The following SPECC1 variants were observed in gnomAD, a reference collection of about 807,000 sequenced individuals.
The protein encoded by SPECC1 is cytospin-B.
In SPECC1, 62 loss-of-function variants were observed where a neutral mutation model predicts 104.1. That is an observed-to-expected ratio of 0.60 (90% CI 0.49 to 0.74). The LOEUF (loss-of-function observed/expected upper bound fraction) is 0.74, where lower values mean the gene tolerates loss of function less well. Among genes scored for constraint, SPECC1 ranks in the 30% least tolerant of loss-of-function variants. SPECC1 has a pLI of 0.00. For synonymous variants in SPECC1, 513 were observed against 501.6 expected, an observed-to-expected ratio of 1.02 and a Z score of -0.30; for missense variants, 1,306 against 1,310.5, an observed-to-expected ratio of 1.00 and a Z score of 0.05.
At chr17:20,137,953 C>T (rs2030230872) in intron 3 of SPECC1, among the ~76,000 whole-genome samples, 1 of 151,222 alleles carries the variant, frequency 6.6e-6, no homozygotes, top group South Asian at 2.1e-4. Flanking sequence ...GCGTGAGCCA[C>T]CGTACCCAGC....
At chr17:20,095,646 C>A (rs868450314) in intron 1 of SPECC1, 4 of 152,244 alleles carry the variant, frequency 2.6e-5, no homozygotes, top group African/African-American at 9.7e-5. Context: ...GGCCGCCATC[C>A]CCCGGGGGCA....
intron 7 of SPECC1, among the ~76,000 whole-genome samples, chr17:20,244,026 G>T (rs2039315095): frequency 1.3e-5 from 2 of 151,848 alleles, no homozygotes; most frequent in Admixed American, 6.6e-5. Flanking sequence ...AGACCAGCCT[G>T]GGCAACATGG....
intron 9 of SPECC1, among the ~76,000 whole-genome samples, chr17:20,249,682 C>T (rs1287795412): frequency 1.3e-5 from 2 of 152,132 alleles, no homozygotes; most frequent in Non-Finnish European, 1.5e-5. Flanking sequence ...GAATTAAAGA[C>T]TCAATAAAGT....
At chr17:20,192,665 C>CT (rs1463464670) in intron 3 of SPECC1, among the ~76,000 whole-genome samples, 2 of 152,164 alleles carry the variant, frequency 1.3e-5, no homozygotes, top group African/African-American at 4.8e-5. Flanking sequence ...CTCCCAGTTT[C>CT]TTTCATCTGT....
At chr17:20,046,239 C>T (rs377636957) in intron 1 of SPECC1, among the ~76,000 whole-genome samples, 40 of 152,140 alleles carry the variant, frequency 2.6e-4, no homozygotes, top group African/African-American at 8.9e-4. Context: ...AGCCACAGTG[C>T]CTGGCAGAGT....
intron 12 of SPECC1, among the ~76,000 whole-genome samples, chr17:20,272,502 C>G (rs2040442297): frequency 6.6e-6 from 1 of 152,140 alleles, no homozygotes; most frequent in Non-Finnish European, 1.5e-5. Flanking sequence ...TTTTGCAAAA[C>G]TTAAATTCTA....
At chr17:20,270,455 A>AC (rs2040367193) in intron 12 of SPECC1, among the ~76,000 whole-genome samples, 2 of 147,586 alleles carry the variant, frequency 1.4e-5, no homozygotes, top group Non-Finnish European at 3.0e-5. Context: ...AAAAAAAAAA[A>AC]AAAAAAAAAA....
At chr17:20,286,415 C>T (rs990381183) in intron 12 of SPECC1, among the ~76,000 whole-genome samples, 3 of 152,222 alleles carry the variant, frequency 2.0e-5, no homozygotes, top group Admixed American at 1.3e-4. Flanking sequence ...ATACTAACAT[C>T]CCTGGGGTGG....
chr17:20,061,174 C>T (rs1260296871), intron 1 of SPECC1, among the ~76,000 whole-genome samples: 1 of 152,202 alleles, frequency 6.6e-6, no homozygotes, highest in Admixed American at 6.5e-5. Flanking sequence ...CAGGTTCAAG[C>T]AATTCTCCTG....
chr17:20,016,305 C>T (rs866809632), intron 1 of SPECC1, among the ~76,000 whole-genome samples: 8 of 151,906 alleles, frequency 5.3e-5, no homozygotes, highest in Non-Finnish European at 8.8e-5. Flanking sequence ...GAGGTGACAG[C>T]GTGCTGGCAG....
At position 20,194,502 on chromosome 17, in the gene SPECC1, ATTTTTTTT is replaced by A. The variant is rs1209589252; in HGVS notation, c.284-9815_284-9808del. Among the ~76,000 whole-genome samples, 810 of 86,546 alleles carry A rather than the reference ATTTTTTTT, an allele frequency of 9.4e-3. 25 individuals carry two copies. Among genetic ancestry groups the A allele is most frequent in the African/African-American group, 0.021 (391 of 18,748 alleles). 56.8% of individuals were successfully genotyped at this position (86,546 alleles called of 152,430 possible). On this transcript the variant is annotated intron_variant, in intron 3 of 14. Transcript: ENST00000395527. ...TGTGTTCTGTTAGAAAAGAGAACGA[ATTTTTTTT>A]TTTTTTTTTTTTTTTGAGACAGAGT...
chr17:20,156,068 C>T (rs969583286), intron 3 of SPECC1: 5 of 1,318,476 alleles, frequency 3.8e-6, no homozygotes, highest in Non-Finnish European at 4.8e-6. Context: ...GGAAGGCGCC[C>T]GGTCCTTTCT....
intron 14 of SPECC1, 69 bp downstream of exon 14, chr17:20,306,151 AAC>A: frequency 1.4e-6 from 2 of 1,477,592 alleles, no homozygotes; most frequent in Non-Finnish European, 1.9e-6. Flanking sequence ...CCATCTGATA[AAC>A]AGTTTCTCGT....
At chr17:20,294,756 A>T (rs2041290947) in intron 12 of SPECC1, among the ~76,000 whole-genome samples, 1 of 152,126 alleles carries the variant, frequency 6.6e-6, no homozygotes, top group African/African-American at 2.4e-5. Flanking sequence ...TAAGTCTGGG[A>T]AATGCTGGCA....
chr17:20,308,389 C>CAAAAAAAAAAA (rs3072413), intron 14 of SPECC1, among the ~76,000 whole-genome samples: 2 of 66,602 alleles, frequency 3.0e-5, no homozygotes, highest in African/African-American at 1.4e-4. Flanking sequence ...AACTCCATCT[C>CAAAAAAAAAAA]AAAAAAAAAA....
At chr17:20,132,716 T>TTTA (rs1567866536) in intron 3 of SPECC1, among the ~76,000 whole-genome samples, 1 of 36,558 alleles carries the variant, frequency 2.7e-5, no homozygotes, top group African/African-American at 1.5e-4. Context: ...TGTGTAGTTA[T>TTTA]TTATTTATTT....
intron 3 of SPECC1, chr17:20,112,663 C>G (rs2048550985): frequency 2.1e-6 from 2 of 952,570 alleles, no homozygotes; most frequent in Non-Finnish European, 3.5e-6. Context: ...TCAAGACACT[C>G]TGTTCTAATG....
chr17:20,219,580 C>T (rs1241762069), intron 4 of SPECC1, among the ~76,000 whole-genome samples: 1 of 152,116 alleles, frequency 6.6e-6, no homozygotes, highest in Non-Finnish European at 1.5e-5. Flanking sequence ...GTTATTAATT[C>T]CTTATCGGAT....
At chr17:20,030,331 T>C (rs2044758713) in intron 1 of SPECC1, among the ~76,000 whole-genome samples, 3 of 152,146 alleles carry the variant, frequency 2.0e-5, no homozygotes, top group Admixed American at 2.0e-4. Flanking sequence ...AGTTCTATTG[T>C]CTTCTTCCCT....
Sources: allele counts gnomAD v4.1 joint callset (sites outside exome capture counted in the v4.1 genomes callset), GRCh38; gene constraint gnomAD v4.1.1; transcripts MANE v1.5; gene names NCBI Gene and HGNC (gene_info 2026-07-23, HGNC 2026-07-21).